Variants in PTPRD observed in about 807,000 individuals in gnomAD.
PTPRD encodes the protein receptor-type tyrosine-protein phosphatase delta.
A neutral mutation model predicts 214.5 loss-of-function variants in PTPRD; 34 were observed. The observed-to-expected ratio is 0.16, with a 90% CI of 0.12 to 0.21. The LOEUF (loss-of-function observed/expected upper bound fraction) is 0.21, where lower values mean the gene tolerates loss of function less well. Among genes scored for constraint, PTPRD ranks in the 10% least tolerant of loss-of-function variants. PTPRD has a pLI of 1.00. For synonymous variants in PTPRD, 1,128 were observed against 845.7 expected, an observed-to-expected ratio of 1.33 and a Z score of -5.79; for missense variants, 2,545 against 2,398.7, an observed-to-expected ratio of 1.06 and a Z score of -1.27.
intron 10 of PTPRD, among the ~76,000 whole-genome samples, chr9:9,059,045 A>G (rs1201870632): frequency 6.6e-6 from 1 of 152,168 alleles, no homozygotes; most frequent in East Asian, 1.9e-4. Flanking sequence ...TAGGGAGAAG[A>G]GAAGGAGAAA....
At chr9:10,611,101 A>G (rs952464667) in intron 2 of PTPRD, among the ~76,000 whole-genome samples, 2 of 152,192 alleles carry the variant, frequency 1.3e-5, no homozygotes, top group East Asian at 1.9e-4. Flanking sequence ...TTACTTTTCA[A>G]TCTGGTTTTT....
At chr9:9,453,407 T>C (rs1171092239) in intron 8 of PTPRD, among the ~76,000 whole-genome samples, 1 of 151,728 alleles carries the variant, frequency 6.6e-6, no homozygotes, top group Non-Finnish European at 1.5e-5. Flanking sequence ...TAATATTTTA[T>C]AAAATATTTT....
chr9:10,089,509 G>A (rs1191226415), intron 3 of PTPRD, among the ~76,000 whole-genome samples: 2 of 151,518 alleles, frequency 1.3e-5, no homozygotes, highest in Non-Finnish European at 3.0e-5. Flanking sequence ...ATTAGCAACA[G>A]GAAGGATTAG....
At chr9:8,740,056 C>T (rs1390036840) in intron 11 of PTPRD, among the ~76,000 whole-genome samples, 1 of 152,104 alleles carries the variant, frequency 6.6e-6, no homozygotes, top group Non-Finnish European at 1.5e-5. Flanking sequence ...TACACTAACC[C>T]ACCCATGTCC....
At chr9:10,273,012 C>T (rs528796547) in intron 3 of PTPRD, among the ~76,000 whole-genome samples, 1 of 152,290 alleles carries the variant, frequency 6.6e-6, no homozygotes, top group African/African-American at 2.4e-5. Context: ...AGCAAACCCA[C>T]AGGAAAAATT....
chr9:10,541,429 G>A (rs2059084028), intron 2 of PTPRD, among the ~76,000 whole-genome samples: 1 of 152,038 alleles, frequency 6.6e-6, no homozygotes, highest in Non-Finnish European at 1.5e-5. Context: ...AGGATTATAT[G>A]TTCCAAATTC....
chr9:8,576,272 C>A (rs2092345742), intron 14 of PTPRD, among the ~76,000 whole-genome samples: 1 of 152,030 alleles, frequency 6.6e-6, no homozygotes, highest in Non-Finnish European at 1.5e-5. Flanking sequence ...ACTATAAACA[C>A]ATAATACTAA....
chr9:10,516,864 T>C (rs1450001280), intron 2 of PTPRD, among the ~76,000 whole-genome samples: 1 of 151,974 alleles, frequency 6.6e-6, no homozygotes, highest in Non-Finnish European at 1.5e-5. Flanking sequence ...GGTAACCTTG[T>C]GAAAGGTCAG....
intron 14 of PTPRD, among the ~76,000 whole-genome samples, chr9:8,542,220 G>A (rs574085612): frequency 6.2e-4 from 94 of 152,302 alleles, no homozygotes; most frequent in Admixed American, 2.5e-3. Context: ...GTGCTTGCGG[G>A]CATGTGTACT....
chr9:10,560,802 A>T (rs2063769038), intron 2 of PTPRD, among the ~76,000 whole-genome samples: 1 of 152,104 alleles, frequency 6.6e-6, no homozygotes, highest in East Asian at 1.9e-4. Flanking sequence ...TGTCACACTA[A>T]CCATATTTCA....
chr9:9,546,436 T>C (rs1039204386), intron 8 of PTPRD, among the ~76,000 whole-genome samples: 2 of 151,816 alleles, frequency 1.3e-5, no homozygotes, highest in Non-Finnish European at 3.0e-5. Context: ...ATCTTCTTTA[T>C]TCATGTTCAG....
intron 11 of PTPRD, among the ~76,000 whole-genome samples, chr9:8,838,008 T>C (rs556702290): frequency 4.6e-5 from 7 of 152,122 alleles, no homozygotes; most frequent in Admixed American, 1.3e-4. Flanking sequence ...TGGTTTCTTA[T>C]TGAAAATGTA....
intron 7 of PTPRD, among the ~76,000 whole-genome samples, chr9:9,709,346 T>A (rs932438091): frequency 3.3e-5 from 5 of 152,016 alleles, no homozygotes. Flanking sequence ...ACTTTCTCAA[T>A]AATCTCTTAA....
At chr9:10,245,441 G>C (rs184721051) in intron 3 of PTPRD, among the ~76,000 whole-genome samples, 196 of 152,136 alleles carry the variant, frequency 1.3e-3, no homozygotes, top group African/African-American at 4.3e-3. Flanking sequence ...AAATGACTCC[G>C]TACACAATGC....
intron 34 of PTPRD, among the ~76,000 whole-genome samples, chr9:8,444,148 G>C (rs1053580481): frequency 2.0e-5 from 3 of 152,214 alleles, no homozygotes; most frequent in African/African-American, 4.8e-5. Flanking sequence ...AAATATATGG[G>C]CTCAGTAATG....
At chr9:8,482,585 A>G (rs1244422070) in intron 30 of PTPRD, among the ~76,000 whole-genome samples, 1 of 152,200 alleles carries the variant, frequency 6.6e-6, no homozygotes, top group African/African-American at 2.4e-5. Context: ...CCAAACAGGT[A>G]GCACAATAGA....
intron 7 of PTPRD, among the ~76,000 whole-genome samples, chr9:9,606,219 A>C (rs930778469): frequency 6.6e-6 from 1 of 152,110 alleles, no homozygotes; most frequent in Non-Finnish European, 1.5e-5. Context: ...TGCCTAATAG[A>C]CTTAGACAAT....
At chr9:10,536,808 C>T (rs185442354) in intron 2 of PTPRD, among the ~76,000 whole-genome samples, 8 of 152,268 alleles carry the variant, frequency 5.3e-5, no homozygotes, top group Admixed American at 3.3e-4. Context: ...CTTCTTCTAC[C>T]TGAGGTTTGA....
intron 11 of PTPRD, among the ~76,000 whole-genome samples, chr9:8,909,031 T>G (rs2098728267): frequency 6.6e-6 from 1 of 151,246 alleles, no homozygotes; most frequent in Non-Finnish European, 1.5e-5. Context: ...TTATGCAACT[T>G]AGATGAAAAA....
Sources: gnomAD v4.1 joint callset for allele counts (sites outside exome capture counted in the v4.1 genomes callset) on GRCh38, gnomAD v4.1.1 for gene constraint, MANE v1.5 for transcripts, NCBI Gene and HGNC (gene_info 2026-07-23, HGNC 2026-07-21) for gene names.